Variants in CEP112 observed in about 807,000 individuals in gnomAD.
CEP112 encodes the protein centrosomal protein 112.
A neutral mutation model predicts 153.0 loss-of-function variants in CEP112; 127 were observed. The observed-to-expected ratio is 0.83, with a 90% CI of 0.72 to 0.96. CEP112 has a LOEUF of 0.96. Among genes scored for constraint, CEP112 ranks in the 40% least tolerant of loss-of-function variants. The pLI is 0.00. For missense variants in CEP112, 1,089 were observed against 1,101.2 expected (o/e 0.99, Z 0.16); for synonymous variants, 358 against 374.4 (o/e 0.96, Z 0.51).
chr17:66,068,398 C>T (rs1043718936), intron 9 of CEP112, among the ~76,000 whole-genome samples: 11 of 151,964 alleles, frequency 7.2e-5, no homozygotes, highest in African/African-American at 2.4e-4. Context: ...ATGGATCATG[C>T]CTGTGAATAG....
At chr17:66,168,527 G>A (rs1568570404) in intron 4 of CEP112, among the ~76,000 whole-genome samples, 1 of 150,870 alleles carries the variant, frequency 6.6e-6, no homozygotes, top group Non-Finnish European at 1.5e-5. Flanking sequence ...GTATATATAT[G>A]TATATATGTG....
intron 4 of CEP112, among the ~76,000 whole-genome samples, chr17:66,174,604 C>T (rs549008795): frequency 1.6e-4 from 25 of 152,096 alleles, no homozygotes; most frequent in African/African-American, 5.1e-4. Context: ...TTGAACATTT[C>T]AAAAATTTGG....
At chr17:66,073,474 C>A (rs550601300) in intron 8 of CEP112, among the ~76,000 whole-genome samples, 1 of 152,314 alleles carries the variant, frequency 6.6e-6, no homozygotes, top group East Asian at 1.9e-4. Flanking sequence ...GGGATGTGTG[C>A]ACCCTGGGTG....
intron 21 of CEP112, among the ~76,000 whole-genome samples, chr17:65,821,827 C>T (rs1016688810): frequency 4.6e-5 from 7 of 151,368 alleles, no homozygotes; most frequent in African/African-American, 1.5e-4. Flanking sequence ...GCTGGGATTA[C>T]AGGCATGAGC....
At chr17:65,833,300 G>C (rs1040308627) in intron 21 of CEP112, among the ~76,000 whole-genome samples, 2 of 151,968 alleles carry the variant, frequency 1.3e-5, no homozygotes, top group Admixed American at 6.6e-5. Context: ...AACAAAACAA[G>C]ACAAGAATTC....
intron 24 of CEP112, chr17:65,661,903 C>A (rs1163761254): frequency 6.6e-6 from 1 of 151,986 alleles, no homozygotes; most frequent in Non-Finnish European, 1.5e-5. Flanking sequence ...TTTTTTTACA[C>A]AGCAGATAAA....
At chr17:65,842,310 ACT>A (rs2057547931) in intron 21 of CEP112, among the ~76,000 whole-genome samples, 1 of 152,086 alleles carries the variant, frequency 6.6e-6, no homozygotes, top group Non-Finnish European at 1.5e-5. Flanking sequence ...CATAAAATAT[ACT>A]CTCTTTTAAT....
intron 4 of CEP112, among the ~76,000 whole-genome samples, chr17:66,140,143 G>A (rs1004622606): frequency 1.3e-5 from 2 of 152,042 alleles, no homozygotes; most frequent in African/African-American, 4.8e-5. Flanking sequence ...TAATAAATGC[G>A]ATACCCCACA....
intron 6 of CEP112, among the ~76,000 whole-genome samples, chr17:66,097,635 A>T (rs1452323834): frequency 1.3e-5 from 2 of 152,158 alleles, no homozygotes; most frequent in Non-Finnish European, 2.9e-5. Context: ...ATGTCTCCAC[A>T]TCTGTCTTTG....
intron 21 of CEP112, among the ~76,000 whole-genome samples, chr17:65,841,522 G>C (rs992409297): frequency 6.6e-6 from 1 of 151,984 alleles, no homozygotes; most frequent in Non-Finnish European, 1.5e-5. Flanking sequence ...GACATAAAGA[G>C]AGGTTGGTTA....
chr17:65,963,714 G>A (rs974493917), intron 17 of CEP112, among the ~76,000 whole-genome samples: 14 of 150,418 alleles, frequency 9.3e-5, no homozygotes, highest in South Asian at 2.1e-4. Flanking sequence ...TTCTCTCCTC[G>A]CACCCATATC....
chr17:65,677,995 T>C (rs1217514372), intron 24 of CEP112, among the ~76,000 whole-genome samples: 1 of 152,064 alleles, frequency 6.6e-6, no homozygotes, highest in Non-Finnish European at 1.5e-5. Flanking sequence ...TACCTCAAAA[T>C]AGCCCTTTCT....
At chr17:66,043,011 T>C (rs1196607016) in intron 12 of CEP112, 1 of 756,334 alleles carries the variant, frequency 1.3e-6, no homozygotes, top group Non-Finnish European at 1.6e-6. Flanking sequence ...GTTCTATGAA[T>C]TATCATATGT....
At chr17:66,110,157 TCAAAA>T (rs1455762822) in intron 6 of CEP112, among the ~76,000 whole-genome samples, 2 of 151,876 alleles carry the variant, frequency 1.3e-5, no homozygotes, top group Non-Finnish European at 2.9e-5. Context: ...AGACTCCGTC[TCAAAA>T]CAAAACAAAA....
intron 20 of CEP112, among the ~76,000 whole-genome samples, chr17:65,853,911 C>A (rs1332141050): frequency 6.6e-6 from 1 of 152,084 alleles, no homozygotes; most frequent in East Asian, 1.9e-4. Context: ...TGTTTGATGG[C>A]AAGTTATGTA....
intron 21 of CEP112, among the ~76,000 whole-genome samples, chr17:65,817,570 G>T (rs1366292639): frequency 6.6e-6 from 1 of 151,746 alleles, no homozygotes; most frequent in African/African-American, 2.4e-5. Context: ...TTTATTTCTA[G>T]CTTCTTGAAC....
chr17:65,935,547 G>A (rs8077072), intron 18 of CEP112, among the ~76,000 whole-genome samples: 9,853 of 152,112 alleles, frequency 0.065, 468 homozygotes, highest in African/African-American at 0.12. Context: ...AATTTAAGAG[G>A]ATTTAAATAA....
chr17:65,970,139 G>C (rs935425387), intron 17 of CEP112, among the ~76,000 whole-genome samples: 2 of 152,140 alleles, frequency 1.3e-5, no homozygotes, highest in South Asian at 4.1e-4. Context: ...TTGCATTTAT[G>C]TATTTTGCAT....
At chr17:65,782,829 A>C (rs2145642960) in intron 21 of CEP112, among the ~76,000 whole-genome samples, 1 of 152,202 alleles carries the variant, frequency 6.6e-6, no homozygotes, top group Admixed American at 6.5e-5. Flanking sequence ...GGGAGGGAGA[A>C]GAGGGTAGGG....
Sources: allele counts gnomAD v4.1 joint callset (sites outside exome capture counted in the v4.1 genomes callset), GRCh38; gene constraint gnomAD v4.1.1; transcripts MANE v1.5; gene names NCBI Gene and HGNC (gene_info 2026-07-23, HGNC 2026-07-21).